Variants in ARHGAP12 observed in about 807,000 individuals in gnomAD.
The protein encoded by ARHGAP12 is rho GTPase-activating protein 12.
A neutral mutation model predicts 108.6 loss-of-function variants in ARHGAP12; 64 were observed. The observed-to-expected ratio is 0.59, with a 90% CI of 0.48 to 0.73. The LOEUF is 0.73. Ranked by LOEUF, ARHGAP12 falls within the 30% of genes least tolerant of loss-of-function variation. The pLI is 0.00. For missense variants in ARHGAP12, 940 were observed against 1,005.9 expected (o/e 0.93, Z 0.89); for synonymous variants, 312 against 337.2 (o/e 0.93, Z 0.82).
intron 11 of ARHGAP12, among the ~76,000 whole-genome samples, chr10:31,823,277 C>A (rs1002446338): frequency 6.6e-6 from 1 of 151,956 alleles, no homozygotes; most frequent in African/African-American, 2.4e-5. Context: ...AAAACAAATA[C>A]AAGTTTATGT....
intron 10 of ARHGAP12, among the ~76,000 whole-genome samples, chr10:31,828,165 C>A (rs1479732271): frequency 6.6e-6 from 1 of 151,598 alleles, no homozygotes; most frequent in Non-Finnish European, 1.5e-5. Context: ...ATGAACTTTG[C>A]TACTGATATC....
chr10:31,887,744 A>G (rs531242833), intron 3 of ARHGAP12, among the ~76,000 whole-genome samples: 150 of 142,108 alleles, frequency 1.1e-3, no homozygotes, highest in African/African-American at 3.6e-3. Flanking sequence ...TGCAAGCTCC[A>G]CCTCCTGGGT....
intron 3 of ARHGAP12, among the ~76,000 whole-genome samples, chr10:31,888,383 T>G (rs1461425491): frequency 1.3e-5 from 2 of 152,214 alleles, no homozygotes; most frequent in Non-Finnish European, 2.9e-5. Context: ...TCTCTGAGAT[T>G]TTCTCAATTA....
intron 3 of ARHGAP12, among the ~76,000 whole-genome samples, chr10:31,901,628 G>A (rs1029906215): frequency 6.7e-6 from 1 of 150,198 alleles, no homozygotes; most frequent in Middle Eastern, 3.4e-3. Flanking sequence ...AAAATGTGTA[G>A]AATCTGTAAA....
chr10:31,873,709 T>G (rs1592319273), intron 3 of ARHGAP12, among the ~76,000 whole-genome samples: 1 of 152,362 alleles, frequency 6.6e-6, no homozygotes, highest in South Asian at 2.1e-4. Flanking sequence ...TCTCCTGTTC[T>G]CAGTAACTGC....
intron 4 of ARHGAP12, among the ~76,000 whole-genome samples, chr10:31,858,418 A>C (rs1021086975): frequency 2.6e-5 from 4 of 152,132 alleles, no homozygotes; most frequent in Non-Finnish European, 5.9e-5. Flanking sequence ...CTATGCATAG[A>C]CTAACTACGC....
chr10:31,920,066 A>T (rs181119335), intron 1 of ARHGAP12, among the ~76,000 whole-genome samples: 1 of 151,404 alleles, frequency 6.6e-6, no homozygotes, highest in Admixed American at 6.6e-5. Context: ...AGATCGCGCA[A>T]CTGCACTCCA....
intron 1 of ARHGAP12, among the ~76,000 whole-genome samples, chr10:31,920,611 C>A (rs1564436915): frequency 6.6e-6 from 1 of 151,342 alleles, no homozygotes; most frequent in African/African-American, 2.4e-5. Context: ...GAATAAAAAT[C>A]AATAATGTAA....
chr10:31,880,723 A>G (rs1213278236), intron 3 of ARHGAP12, among the ~76,000 whole-genome samples: 2 of 152,144 alleles, frequency 1.3e-5, no homozygotes, highest in Non-Finnish European at 2.9e-5. Flanking sequence ...GTATTTCTAT[A>G]AATTTTATAT....
At chr10:31,853,405 AG>A (rs923666085) in intron 5 of ARHGAP12, among the ~76,000 whole-genome samples, 2 of 152,192 alleles carry the variant, frequency 1.3e-5, no homozygotes, top group African/African-American at 4.8e-5. Flanking sequence ...AGGGAATATG[AG>A]GGGAAAAAAG....
chr10:31,884,388 T>G (rs1159858464), intron 3 of ARHGAP12, among the ~76,000 whole-genome samples: 2 of 152,052 alleles, frequency 1.3e-5, no homozygotes, highest in Non-Finnish European at 2.9e-5. Flanking sequence ...TTCTCACATC[T>G]GCTTCTACAT....
chr10:31,900,674 C>A (rs1838881053), intron 3 of ARHGAP12, among the ~76,000 whole-genome samples: 1 of 152,146 alleles, frequency 6.6e-6, no homozygotes, highest in Admixed American at 6.5e-5. Context: ...CAATAGATGA[C>A]TGGTTGCCAG....
At chr10:31,895,967 T>C (rs1199314439) in intron 3 of ARHGAP12, among the ~76,000 whole-genome samples, 2 of 152,096 alleles carry the variant, frequency 1.3e-5, no homozygotes, top group Non-Finnish European at 2.9e-5. Context: ...GAAACCATCA[T>C]TCTCAGCAAA....
At chr10:31,852,637 A>G in intron 5 of ARHGAP12, 40 bp from the exon 6 acceptor site, 1 of 1,439,792 alleles carries the variant, frequency 6.9e-7, no homozygotes, top group Non-Finnish European at 9.8e-7. Flanking sequence ...AAATTTAAAT[A>G]AAAGTGAGTT....
At chr10:31,814,204 A>C (rs2132148917) in intron 14 of ARHGAP12, 55 bp downstream of exon 14, 1 of 1,434,466 alleles carries the variant, frequency 7.0e-7, no homozygotes, top group Non-Finnish European at 9.8e-7. Flanking sequence ...AAAACCTTCA[A>C]AAAGCTAAGA....
At chr10:31,890,786 A>C (rs922297954) in intron 3 of ARHGAP12, among the ~76,000 whole-genome samples, 2 of 152,230 alleles carry the variant, frequency 1.3e-5, no homozygotes, top group Non-Finnish European at 2.9e-5. Context: ...CATTAAAACA[A>C]AAAGGACTTT....
rs749999114 is a variant in ARHGAP12 at position 31,814,270 on chromosome 10, T to C, written c.1823A>G (p.Lys608Arg). 1.9e-6 allele frequency: 3 copies of C among 1,613,842 alleles called. No individual in the cohort carries two copies. The African/African-American group carries it at 4.0e-5, about 22-fold the overall frequency. ...AAAGGACAACTTACAACGAAGCTTT[T>C]TGGGATCCTTTTGTTCCTTTTCTTT... ...HDKEKEQKDP[K>R]KLRSFKVSSI... is the part of the protein sequence containing the mutation. The change falls in exon 14 of 20, where the codon AAA becomes AGA. Residue 608 changes from lysine to arginine, a missense_variant. By Grantham distance (26) the Lys-to-Arg change is conservative (BLOSUM62 2). Transcript: ENST00000344936.
chr10:31,893,647 A>G (rs1173248166), intron 3 of ARHGAP12, among the ~76,000 whole-genome samples: 2 of 152,234 alleles, frequency 1.3e-5, no homozygotes, highest in Admixed American at 6.5e-5. Flanking sequence ...ATGGATTCAC[A>G]GCCAAATTCT....
chr10:31,908,756 T>C lies in ARHGAP12; in HGVS notation c.100A>G (p.Ile34Val). Reference sequence around the variant, plus strand: ...AAGATGTACCTCTCCCCTTGTTTTATCACAATCTTTCTGTCCTTTGCTTCA... The same window carrying C: ...AAGATGTACCTCTCCCCTTGTTTTACCACAATCTTTCTGTCCTTTGCTTCA... ...EYEAKDRKIV[I>V]KQGERYILVK... The change falls in exon 3 of 20, where the codon ATA (isoleucine) becomes GTA (valine). Residue 34 changes from isoleucine to valine, a missense_variant. Coordinates refer to ENST00000344936, the MANE Select transcript of ARHGAP12 (RefSeq NM_018287.7). The C allele has an allele frequency of 6.2e-7, 1 of 1,613,882 alleles. No individual in the cohort carries two copies. The highest frequency in any genetic ancestry group is 8.5e-7 in the Non-Finnish European group (1 of 1,180,032).
Sources: gnomAD v4.1 joint callset for allele counts (sites outside exome capture counted in the v4.1 genomes callset) on GRCh38, gnomAD v4.1.1 for gene constraint, MANE v1.5 for transcripts, NCBI Gene and HGNC (gene_info 2026-07-23, HGNC 2026-07-21) for gene names.